The following SHOC2 variants were observed in gnomAD, a reference collection of about 807,000 sequenced individuals.
The protein encoded by SHOC2 is leucine-rich repeat protein SHOC-2.
Under a neutral mutation model 50.2 loss-of-function variants are expected in SHOC2, and 4 were observed. The observed-to-expected ratio is 0.08, with a 90% CI of 0.04 to 0.18. The LOEUF is 0.18. Ranked by LOEUF, SHOC2 falls within the 10% of genes least tolerant of loss-of-function variation. SHOC2 has a pLI of 1.00. For synonymous variants in SHOC2, 218 were observed against 244.5 expected (o/e 0.89, Z 1.01); for missense variants, 388 against 669.6 (o/e 0.58, Z 4.64).
In SHOC2 at chr10:110,984,474, A is replaced by G. The variant is rs570654728; in HGVS notation, c.704-1154A>G. Among the ~76,000 whole-genome samples the G allele has an allele frequency of 5.1e-4, 78 of 152,300 alleles. No homozygotes were observed. In the Middle Eastern group the frequency reaches 0.024, roughly 46 times the overall value. On this transcript the variant is annotated intron_variant, in intron 2 of 8. Coordinates refer to ENST00000369452, the MANE Select transcript of SHOC2 (RefSeq NM_007373.4). Reference sequence around the variant, plus strand: ...AGGTTGCCTTTTCACTCTTCATAGTATCCTCTGATGCACTAAAGTTTTAAA... The same window carrying G: ...AGGTTGCCTTTTCACTCTTCATAGTGTCCTCTGATGCACTAAAGTTTTAAA...
At chr10:110,987,265 T>A (rs1564723009) in intron 3 of SHOC2, among the ~76,000 whole-genome samples, 4 of 152,196 alleles carry the variant, frequency 2.6e-5, no homozygotes, top group African/African-American at 9.7e-5. Flanking sequence ...TTATTTATTT[T>A]TTTATTGGGA....
rs1260739900 is a variant in SHOC2, at chr10:110,999,756, AAAAG to A, written c.842-651_842-648del. Among the ~76,000 whole-genome samples the A allele has an allele frequency of 1.1e-3, 168 of 149,434 alleles. 1 individual carries two copies. Among genetic ancestry groups the A allele is most frequent in the African/African-American group, 3.8e-3 (153 of 40,186 alleles). On this transcript the variant is annotated intron_variant, in intron 3 of 8. Coordinates refer to ENST00000369452, the MANE Select transcript of SHOC2 (RefSeq NM_007373.4). ...AGTCTCAAAAAAAAAAAAAAAAAAA[AAAAG>A]AAAGAAAAGAAAAGAAAGTGCTCTT...
chr10:110,953,181 C>T (rs1250872788), intron 1 of SHOC2, among the ~76,000 whole-genome samples: 1 of 152,188 alleles, frequency 6.6e-6, no homozygotes, highest in African/African-American at 2.4e-5. Context: ...ACATTCCCAC[C>T]AGCAGTTTAA....
In SHOC2 at chr10:110,943,197, A is replaced by G. The variant is rs578085130; in HGVS notation, c.-234-20928A>G. On this transcript the variant is annotated intron_variant, in intron 1 of 8. Coordinates refer to ENST00000369452, the MANE Select transcript of SHOC2 (RefSeq NM_007373.4). ...TCCTTCTGGGACTCCCATTATGAGT[A>G]TGTTAGTTCACTTCATGATATTCCA... Among the ~76,000 whole-genome samples the G allele has an allele frequency of 2.8e-3, 416 of 149,736 alleles. 6 individuals carry two copies. In the South Asian group the frequency reaches 0.032, roughly 11 times the overall value.
intron 3 of SHOC2, among the ~76,000 whole-genome samples, chr10:110,991,957 ACT>A (rs1848193445): frequency 6.6e-6 from 1 of 152,146 alleles, no homozygotes; most frequent in African/African-American, 2.4e-5. Context: ...GCAGCTGCCC[ACT>A]CTCTTTTCCT....
In SHOC2 at chr10:110,929,189, TGTG is replaced by T. The variant is rs541757969; in HGVS notation, c.-235+9535_-235+9537del. Among the ~76,000 whole-genome samples the T allele has an allele frequency of 9.5e-3, 1,442 of 152,352 alleles. 14 individuals carry two copies. Among genetic ancestry groups the T allele is most frequent in the Non-Finnish European group, 0.016 (1,075 of 68,022 alleles). Reference sequence around the variant, plus strand: ...TGATAATCTATAAATAGTAGATTGATGTGGTAAAAATAAAAATTGTTCATTAGC... The same window carrying T: ...TGATAATCTATAAATAGTAGATTGATGTAAAAATAAAAATTGTTCATTAGC... On this transcript the variant is annotated intron_variant, in intron 1 of 8. Coordinates refer to ENST00000369452, the MANE Select transcript of SHOC2 (RefSeq NM_007373.4).
At chr10:110,956,389 GTAT>G (rs1847463855) in intron 1 of SHOC2, among the ~76,000 whole-genome samples, 1 of 151,862 alleles carries the variant, frequency 6.6e-6, no homozygotes, top group South Asian at 2.1e-4. Flanking sequence ...ATTTTTTTTG[GTAT>G]TATTAGTAGA....
chr10:110,989,351 T>G (rs10885075), intron 3 of SHOC2, among the ~76,000 whole-genome samples: 2 of 152,056 alleles, frequency 1.3e-5, no homozygotes, highest in Non-Finnish European at 2.9e-5. Context: ...TCTTAATGTT[T>G]ATCAGCAGTC....
rs908641677 is a variant in SHOC2 at position 110,959,177 on chromosome 10, A to C, written c.-234-4948A>C. The stretch of plus-strand genomic sequence containing the variant: ...AGCAATGAAGAGCAAAAGTTTGTAC[A>C]TATGTCCTCATGAATGTGATTGTTA... On this transcript the variant is annotated intron_variant, in intron 1 of 8. Coordinates refer to ENST00000369452, the MANE Select transcript of SHOC2 (RefSeq NM_007373.4). Among the ~76,000 whole-genome samples the C allele has an allele frequency of 3.3e-5, 5 of 152,350 alleles. No homozygotes were observed. In the East Asian group the frequency reaches 9.6e-4, roughly 29 times the overall value.
intron 1 of SHOC2, among the ~76,000 whole-genome samples, chr10:110,955,093 A>G (rs1303450000): frequency 6.6e-6 from 1 of 152,170 alleles, no homozygotes; most frequent in Non-Finnish European, 1.5e-5. Flanking sequence ...TACGGCGGTT[A>G]GAGAATTTGA....
rs200215822 is a variant in SHOC2 at position 111,007,608 on chromosome 10, G to T, written c.1239G>T (p.Gln413His). 8.4e-5 allele frequency: 136 copies of T among 1,613,562 alleles called. No homozygotes were observed. Among genetic ancestry groups the T allele is most frequent in the Middle Eastern group, 1.6e-4 (1 of 6,078 alleles). The change falls in exon 6 of 9, where the codon CAG (glutamine) becomes CAT (histidine). Residue 413 changes from glutamine (Q) to histidine (H), a missense_variant. Physicochemically the swap from Gln to His is conservative, Grantham distance 24 (BLOSUM62 0). This residue lies in a region of SHOC2 where 130 missense variants were observed against 208.6 expected (regional missense o/e 0.62). Transcript: ENST00000369452. ...TAGAATTGAATTTAGCCACTAATCA[G>T]CTCACAAAGATCCCTGAGGATGTGT... ...SMVELNLATN[Q>H]LTKIPEDVSG...
chr10:110,992,946 A>G (rs1252795657), intron 3 of SHOC2, among the ~76,000 whole-genome samples: 2 of 152,148 alleles, frequency 1.3e-5, no homozygotes, highest in Admixed American at 1.3e-4. Context: ...CATTTAAATT[A>G]GTCTTACTCG....
rs779822189 is a variant in SHOC2 at position 111,007,578 on chromosome 10, T to G, written c.1209T>G (p.Ser403Arg). The G allele has an allele frequency of 4.3e-6, 7 of 1,613,586 alleles. 1 individual carries two copies. ...CCTTGGATTTTGGAACTTGGACCAGTATGGTAGAATTGAATTTAGCCACTA... is the reference window on the plus strand; with the variant it reads ...CCTTGGATTTTGGAACTTGGACCAGGATGGTAGAATTGAATTTAGCCACTA... ...SLPLDFGTWTSMVELNLATNQ... is the reference protein window; with the variant it reads ...SLPLDFGTWTRMVELNLATNQ... The change falls in exon 6 of 9, where the codon AGT becomes AGG. Residue 403 changes from serine to arginine, a missense_variant. By Grantham distance (110) the Ser-to-Arg change is moderately radical (BLOSUM62 -1). Coordinates refer to ENST00000369452, the MANE Select transcript of SHOC2 (RefSeq NM_007373.4).
intron 2 of SHOC2, among the ~76,000 whole-genome samples, chr10:110,982,674 A>G (rs1848005307): frequency 6.6e-6 from 1 of 151,830 alleles, no homozygotes; most frequent in African/African-American, 2.4e-5. Flanking sequence ...GTGTCTGTTC[A>G]TGTCCTTTGC....
At chr10:110,959,224 G>A (rs575508038) in intron 1 of SHOC2, among the ~76,000 whole-genome samples, 5 of 152,252 alleles carry the variant, frequency 3.3e-5, no homozygotes, top group East Asian at 3.9e-4. Context: ...TGATATAGAC[G>A]TGTTATATTT....
intron 1 of SHOC2, among the ~76,000 whole-genome samples, chr10:110,954,224 T>C (rs989513649): frequency 3.3e-5 from 5 of 152,076 alleles, no homozygotes; most frequent in South Asian, 2.1e-4. Context: ...CTAAAAGATA[T>C]TGTCCTAGAA....
At chr10:110,947,827 G>A (rs1847276984) in intron 1 of SHOC2, among the ~76,000 whole-genome samples, 1 of 149,930 alleles carries the variant, frequency 6.7e-6, no homozygotes, top group East Asian at 1.9e-4. Context: ...AAGAAATAGA[G>A]GAGCTACAAG....
intron 1 of SHOC2, among the ~76,000 whole-genome samples, chr10:110,953,707 T>C (rs919327662): frequency 1.3e-5 from 2 of 151,766 alleles, no homozygotes; most frequent in African/African-American, 2.4e-5. Context: ...GAGAGAGATA[T>C]ATATATACAC....
At chr10:110,943,927 T>C (rs1048650414) in intron 1 of SHOC2, among the ~76,000 whole-genome samples, 2 of 152,208 alleles carry the variant, frequency 1.3e-5, no homozygotes, top group Non-Finnish European at 2.9e-5. Context: ...CCAACTCTTT[T>C]AGCACACTTC....
Sources: allele counts gnomAD v4.1 joint callset (sites outside exome capture counted in the v4.1 genomes callset), GRCh38; gene constraint gnomAD v4.1.1; regional missense constraint gnomAD v4.1.1; transcripts MANE v1.5; gene names NCBI Gene and HGNC (gene_info 2026-07-23, HGNC 2026-07-21).